Variants in WDR7 observed in about 807,000 individuals in gnomAD.
The protein encoded by WDR7 is WD repeat domain 7.
Under a neutral mutation model 169.4 loss-of-function variants are expected in WDR7, and 46 were observed. That is an observed-to-expected ratio of 0.27 (90% CI 0.21 to 0.35). The LOEUF (loss-of-function observed/expected upper bound fraction) is 0.35. WDR7 is among the 10% of genes least tolerant of loss of function. The probability of loss-of-function intolerance (pLI) is 1.00; values close to 1 mark genes in which losing one functional copy is unlikely to be tolerated. For missense variants in WDR7, 1,534 were observed against 1,859.3 expected (o/e 0.83, Z 3.22); for synonymous variants, 612 against 666.8 (o/e 0.92, Z 1.27).
chr18:56,750,817 GATTA>G (rs1361177769), intron 14 of WDR7, among the ~76,000 whole-genome samples: 3 of 152,158 alleles, frequency 2.0e-5, no homozygotes, highest in Non-Finnish European at 2.9e-5. Flanking sequence ...ACATGTTGGT[GATTA>G]ATGCTGCCAT....
intron 19 of WDR7, among the ~76,000 whole-genome samples, chr18:56,783,361 G>A (rs1199380927): frequency 6.6e-6 from 1 of 152,046 alleles, no homozygotes; most frequent in African/African-American, 2.4e-5. Flanking sequence ...TAATTTGTGG[G>A]CATTAACTTT....
Position 56,694,941 on chromosome 18 carries a change from C to T in WDR7, c.1109-9C>T, listed in dbSNP as rs1409962195. ...TGTTTTTCTTTTATACAAAACCAAACCTCTACAGGGCTGGCAATGACAACT... is the reference window on the plus strand; with the variant it reads ...TGTTTTTCTTTTATACAAAACCAAATCTCTACAGGGCTGGCAATGACAACT... On this transcript the variant is annotated splice_polypyrimidine_tract_variant and intron_variant, in intron 10 of 27. Transcript: ENST00000254442. The T allele has an allele frequency of 6.2e-7, 1 of 1,607,112 alleles. No homozygotes were observed. Among genetic ancestry groups the T allele is most frequent in the South Asian group, 1.1e-5 (1 of 90,638 alleles).
chr18:56,899,286 A>G (rs1418246966), intron 21 of WDR7, among the ~76,000 whole-genome samples: 1 of 151,996 alleles, frequency 6.6e-6, no homozygotes, highest in African/African-American at 2.4e-5. Flanking sequence ...TTCACATTCA[A>G]CTTTATCCAT....
chr18:56,910,133 T>C (rs1393628717), intron 21 of WDR7, among the ~76,000 whole-genome samples: 1 of 152,194 alleles, frequency 6.6e-6, no homozygotes, highest in Non-Finnish European at 1.5e-5. Flanking sequence ...TGGAATATTT[T>C]CTTCCTTTGT....
intron 14 of WDR7, among the ~76,000 whole-genome samples, chr18:56,735,840 G>A (rs1209703817): frequency 1.3e-5 from 2 of 152,188 alleles, no homozygotes; most frequent in Non-Finnish European, 2.9e-5. Flanking sequence ...ATTTACAGAA[G>A]CAGGTGGTGA....
intron 20 of WDR7, among the ~76,000 whole-genome samples, chr18:56,849,994 T>C (rs1168569994): frequency 6.6e-6 from 1 of 152,176 alleles, no homozygotes; most frequent in Non-Finnish European, 1.5e-5. Flanking sequence ...CACAGACACA[T>C]TTGCCTTTTT....
intron 26 of WDR7, among the ~76,000 whole-genome samples, chr18:56,973,560 T>C (rs1347174433): frequency 1.3e-5 from 2 of 152,120 alleles, no homozygotes; most frequent in Non-Finnish European, 2.9e-5. Context: ...AGAGTCCTAG[T>C]ACATTGAATT....
At chr18:56,888,828 T>C (rs1191564779) in intron 21 of WDR7, among the ~76,000 whole-genome samples, 1 of 152,142 alleles carries the variant, frequency 6.6e-6, no homozygotes, top group Non-Finnish European at 1.5e-5. Context: ...GGCAGATTTG[T>C]GTGCAGGGGT....
intron 12 of WDR7, among the ~76,000 whole-genome samples, chr18:56,702,796 G>A (rs2144673186): frequency 6.6e-6 from 1 of 152,310 alleles, no homozygotes; most frequent in African/African-American, 2.4e-5. Context: ...AGAGGAAGGA[G>A]TAGGGAAACT....
At chr18:56,811,852 C>G (rs2044875025) in intron 19 of WDR7, among the ~76,000 whole-genome samples, 1 of 152,080 alleles carries the variant, frequency 6.6e-6, no homozygotes. Context: ...ATTACTTTGC[C>G]AAAGTCACAT....
intron 26 of WDR7, among the ~76,000 whole-genome samples, chr18:56,967,328 C>A (rs554622634): frequency 6.6e-6 from 1 of 152,136 alleles, no homozygotes; most frequent in East Asian, 1.9e-4. Flanking sequence ...TAAGGTCCTG[C>A]TGTGCTGCTG....
intron 19 of WDR7, among the ~76,000 whole-genome samples, chr18:56,786,418 A>G (rs2044400700): frequency 6.6e-6 from 1 of 151,986 alleles, no homozygotes; most frequent in East Asian, 1.9e-4. Context: ...AGTCCCAGCT[A>G]CTCGGGAGGC....
intron 8 of WDR7, 50 bp downstream of exon 8, chr18:56,691,411 G>C (rs2025567633): frequency 7.9e-6 from 12 of 1,521,050 alleles, no homozygotes; most frequent in South Asian, 1.3e-5. Flanking sequence ...AAAAGATTCA[G>C]AATTTAGGGT....
intron 26 of WDR7, among the ~76,000 whole-genome samples, chr18:56,965,149 C>T (rs115282461): frequency 0.043 from 6,486 of 152,014 alleles, 464 homozygotes; most frequent in African/African-American, 0.14. Context: ...AAAGACACAG[C>T]GATATCACAT....
intron 14 of WDR7, among the ~76,000 whole-genome samples, chr18:56,749,618 CAG>C (rs1248993642): frequency 6.6e-6 from 1 of 151,922 alleles, no homozygotes; most frequent in African/African-American, 2.4e-5. Context: ...AGATTGGACT[CAG>C]TGCTCATTCA....
chr18:56,719,422 C>G (rs1438654609), intron 13 of WDR7, among the ~76,000 whole-genome samples: 1 of 152,000 alleles, frequency 6.6e-6, no homozygotes, highest in African/African-American at 2.4e-5. Context: ...ATTAGCCGGG[C>G]ATGTTGGCGG....
chr18:56,982,458 A>G (rs1489603324), intron 26 of WDR7, among the ~76,000 whole-genome samples: 1 of 151,462 alleles, frequency 6.6e-6, no homozygotes, highest in Non-Finnish European at 1.5e-5. Context: ...CAGTTTTGGA[A>G]TTTTCATCAA....
intron 25 of WDR7, among the ~76,000 whole-genome samples, chr18:56,951,524 A>G (rs2047183097): frequency 6.6e-6 from 1 of 152,138 alleles, no homozygotes; most frequent in East Asian, 1.9e-4. Context: ...AACCCTAAGC[A>G]TTTGTGTTTA....
chr18:56,672,541 C>G lies in WDR7; in HGVS notation c.26C>G (p.Pro9Arg). Reference sequence around the variant, plus strand: ...ATGGCAGGAAACAGCCTTGTTCTACCCATTGTTCTTTGGGGTCGAAAAGCG... The same window carrying G: ...ATGGCAGGAAACAGCCTTGTTCTACGCATTGTTCTTTGGGGTCGAAAAGCG... Reference protein sequence around the residue: MAGNSLVLPIVLWGRKAPT... With the variant: MAGNSLVLRIVLWGRKAPT... Residue 9 changes from proline (P) to arginine (R), a missense_variant, in exon 2 of 28, where the codon CCC becomes CGC. Physicochemically the swap from Pro to Arg is moderately radical, Grantham distance 103. Transcript: ENST00000254442. 1 of 1,604,500 alleles carries G rather than the reference C, an allele frequency of 6.2e-7. No homozygotes were observed. The highest frequency in any genetic ancestry group is 8.5e-7 in the Non-Finnish European group (1 of 1,175,106).
Sources: allele counts gnomAD v4.1 joint callset (sites outside exome capture counted in the v4.1 genomes callset), GRCh38; gene constraint gnomAD v4.1.1; transcripts MANE v1.5; gene names NCBI Gene and HGNC (gene_info 2026-07-23, HGNC 2026-07-21).